The following CD59 variants were observed in gnomAD, a reference collection of about 807,000 sequenced individuals.
The protein encoded by CD59 is CD59 molecule (CD59 blood group).
CD59 carries 3 observed loss-of-function variants against 7.0 expected under a neutral mutation model. The observed-to-expected ratio is 0.43, with a 90% CI of 0.19 to 1.10. CD59 has a LOEUF of 1.10. Among genes scored for constraint, CD59 ranks in the 50% least tolerant of loss-of-function variants. The probability of loss-of-function intolerance (pLI) is 0.29; values close to 1 mark genes in which losing one functional copy is unlikely to be tolerated. For synonymous variants in CD59, 60 were observed against 62.0 expected, an observed-to-expected ratio of 0.97 and a Z score of 0.15; for missense variants, 143 against 151.0, an observed-to-expected ratio of 0.95 and a Z score of 0.28.
rs1564975658 is a variant in CD59 at position 33,722,424 on chromosome 11, CA to C, written c.21del (p.Val8SerfsTer72). The C allele has an allele frequency of 6.2e-7, 1 of 1,614,056 alleles. No individual in the cohort carries two copies. Among genetic ancestry groups the C allele is most frequent in the South Asian group, 1.1e-5 (1 of 91,084 alleles). On this transcript the variant is annotated frameshift_variant, in exon 2 of 4. Transcript: ENST00000642928. LOFTEE classifies it high-confidence loss of function. ...AGGACGAGCAGCAGCCCGAACAGGA[CA>C]GACCCTCCTTGGATTCCCATTGTGA... MGIQGGSVLFGLLLVLA... is the reference protein window; with the variant it reads MGIQGGXVLFGLLLVLA...
At position 33,736,212 on chromosome 11, in the gene CD59, G is replaced by A. The variant is rs1854570651; in HGVS notation, c.-19+170C>T. ...AAGCCAGCGTTCGGCTAGGACACCG[G>A]GCCGCGGTGACGGGTTGGAAGGGCC... On this transcript the variant is annotated intron_variant, in intron 1 of 3. Coordinates refer to ENST00000642928, the MANE Select transcript of CD59 (RefSeq NM_000611.6). This position sits in a 1 kb window ranked among gnomAD's most constrained non-coding sequence, Gnocchi z 4.4. Among the ~76,000 whole-genome samples, 1 of 152,174 alleles carries A rather than the reference G, an allele frequency of 6.6e-6. No individual in the cohort carries two copies. The highest frequency in any genetic ancestry group is 1.5e-5 in the Non-Finnish European group (1 of 68,022).
intron 1 of CD59, among the ~76,000 whole-genome samples, chr11:33,731,893 T>A (rs1359071419): frequency 6.6e-6 from 1 of 152,238 alleles, no homozygotes; most frequent in East Asian, 1.9e-4. Flanking sequence ...TCATTTTGAA[T>A]TGTAACTCCC....
chr11:33,703,097 T>A lies in CD59; in HGVS notation c.*7029A>T, dbSNP rs1462197037. Reference sequence around the variant, plus strand: ...TATATATCTAGTTGAGGAGAAAAAATTACAGATTTTTTCCCCCTTACTCCA... The same window carrying A: ...TATATATCTAGTTGAGGAGAAAAAAATACAGATTTTTTCCCCCTTACTCCA... On this transcript the variant is annotated 3_prime_UTR_variant, in exon 4 of 4. Transcript: ENST00000642928. 1.3e-5 allele frequency: 2 copies of A among 152,058 alleles called. No individual in the cohort carries two copies. Among genetic ancestry groups the A allele is most frequent in the Non-Finnish European group, 2.9e-5 (2 of 68,022 alleles). The allele number at this position is 152,058 out of a possible 1,614,324, so 9.4% of individuals were successfully genotyped here. A position where few individuals can be genotyped will look rare whatever the true frequency, so the allele number is the denominator to read the frequency against.
At chr11:33,711,929 A>T (rs1053569266) in intron 3 of CD59, among the ~76,000 whole-genome samples, 8 of 152,208 alleles carry the variant, frequency 5.3e-5, no homozygotes, top group Non-Finnish European at 1.0e-4. Flanking sequence ...AATGGTGTAG[A>T]TACTCTGGAC....
intron 3 of CD59, among the ~76,000 whole-genome samples, chr11:33,713,153 G>GT (rs2133532481): frequency 6.6e-6 from 1 of 152,218 alleles, no homozygotes; most frequent in East Asian, 1.9e-4. Context: ...TCTTATCACA[G>GT]TTTTTTTAAT....
chr11:33,719,525 G>A (rs1306192669), intron 2 of CD59: 1 of 152,278 alleles, frequency 6.6e-6, no homozygotes, highest in Non-Finnish European at 1.5e-5. Context: ...AGGAGGCTAA[G>A]GCATGAGAAT....
intron 2 of CD59, among the ~76,000 whole-genome samples, chr11:33,721,048 T>C (rs761565948): frequency 8.6e-5 from 13 of 151,936 alleles, no homozygotes; most frequent in African/African-American, 2.4e-5. Context: ...CACTGGGCTA[T>C]TAAAATTCTA....
intron 1 of CD59, among the ~76,000 whole-genome samples, chr11:33,734,512 T>G (rs1486733712): frequency 6.6e-6 from 1 of 152,146 alleles, no homozygotes; most frequent in Non-Finnish European, 1.5e-5. Flanking sequence ...GTTGTTCCCC[T>G]CCCTGTGTCC....
chr11:33,729,154 G>A lies in CD59; in HGVS notation c.-18-6691C>T, dbSNP rs1197781383. Among the ~76,000 whole-genome samples the A allele has an allele frequency of 1.6e-4, 24 of 152,178 alleles. No individual in the cohort carries two copies. In the East Asian group the frequency reaches 4.0e-3, roughly 26 times the overall value. On this transcript the variant is annotated intron_variant, in intron 1 of 3. Transcript: ENST00000642928. ...CATCTGACCCAGCAATCCCATTACT[G>A]GGTATATATCCAAAGGATTATAAAT...
intron 1 of CD59, chr11:33,733,585 A>G (rs1854479372): frequency 6.6e-6 from 1 of 152,076 alleles, no homozygotes; most frequent in Admixed American, 6.5e-5. Context: ...GTGCCACTGC[A>G]CTCCAGCTTG....
chr11:33,723,696 C>A (rs1854165013), intron 1 of CD59, among the ~76,000 whole-genome samples: 1 of 152,206 alleles, frequency 6.6e-6, no homozygotes, highest in African/African-American at 2.4e-5. Context: ...TCCCAGGAGA[C>A]CTGGGCTCCA....
At chr11:33,731,272 AAC>A (rs1233229509) in intron 1 of CD59, among the ~76,000 whole-genome samples, 2 of 151,088 alleles carry the variant, frequency 1.3e-5, no homozygotes, top group East Asian at 1.9e-4. Context: ...TATACGTAAA[AAC>A]ACACATATAC....
chr11:33,707,963 A>G lies in CD59; in HGVS notation c.*2163T>C, dbSNP rs1223401685. On this transcript the variant is annotated 3_prime_UTR_variant, in exon 4 of 4. Transcript: ENST00000642928. ...GGAGGAGAGGGGCCAGAAGGGTCAC[A>G]TTGAAGAAATGTGACATGAGGGTGG... The G allele has an allele frequency of 1.3e-5, 2 of 152,228 alleles. No homozygotes were observed. The highest frequency in any genetic ancestry group is 4.8e-5 in the African/African-American group (2 of 41,438). The allele number at this position is 152,228 out of a possible 1,614,324, so 9.4% of individuals were successfully genotyped here. A position where few individuals can be genotyped will look rare whatever the true frequency, so the allele number is the denominator to read the frequency against.
intron 1 of CD59, chr11:33,723,056 GAGA>G (rs1245999363): frequency 1.4e-6 from 1 of 715,022 alleles, no homozygotes; most frequent in Admixed American, 5.4e-5. Flanking sequence ...AGCATCAGGT[GAGA>G]AGAAGGAAAG....
chr11:33,722,537 G>A (rs1282729779), intron 1 of CD59, 74 bp from the exon 2 acceptor site: 1 of 1,578,442 alleles, frequency 6.3e-7, no homozygotes, highest in Non-Finnish European at 8.6e-7. Context: ...CCAAGGGCTG[G>A]AAGGCCAAGA....
At chr11:33,732,124 G>A (rs952426214) in intron 1 of CD59, among the ~76,000 whole-genome samples, 2 of 152,172 alleles carry the variant, frequency 1.3e-5, no homozygotes, top group African/African-American at 4.8e-5. Flanking sequence ...CCCTAGCCAC[G>A]TGGAACTGTG....
At position 33,709,139 on chromosome 11, in the gene CD59, C is replaced by G. The variant is rs1755132088; in HGVS notation, c.*987G>C. ...AGAGCCGTTACAAAGGTATTTTATACAATCTATGCTGAGTCAGCTAGGAGT... is the reference window on the plus strand; with the variant it reads ...AGAGCCGTTACAAAGGTATTTTATAGAATCTATGCTGAGTCAGCTAGGAGT... On this transcript the variant is annotated 3_prime_UTR_variant, in exon 4 of 4. Coordinates refer to ENST00000642928, the MANE Select transcript of CD59 (RefSeq NM_000611.6). 1.3e-5 allele frequency: 2 copies of G among 152,204 alleles called. No individual in the cohort carries two copies. Among genetic ancestry groups the G allele is most frequent in the Non-Finnish European group, 2.9e-5 (2 of 68,036 alleles). The allele number at this position is 152,204 out of a possible 1,614,324, so 9.4% of individuals were successfully genotyped here.
In CD59 at chr11:33,724,494, T is replaced by C. The variant is rs1016610566; in HGVS notation, c.-18-2031A>G. Among the ~76,000 whole-genome samples the C allele has an allele frequency of 9.2e-5, 14 of 152,200 alleles. No homozygotes were observed. In the South Asian group the frequency reaches 1.7e-3, roughly 18 times the overall value. On this transcript the variant is annotated intron_variant, in intron 1 of 3. Coordinates refer to ENST00000642928, the MANE Select transcript of CD59 (RefSeq NM_000611.6). ...ACGCTTTGGCTAGTAAGCATGGAGA[T>C]AGTTACATGTACTGCATAGCACAAT...
Position 33,706,639 on chromosome 11 carries a change from C to A in CD59, c.*3487G>T, listed in dbSNP as rs559869423. 6.6e-6 allele frequency: 1 copy of A among 151,360 alleles called. No homozygotes were observed. Among genetic ancestry groups the A allele is most frequent in the South Asian group, 2.1e-4 (1 of 4,794 alleles). The allele number at this position is 151,360 out of a possible 1,614,324, so 9.4% of individuals were successfully genotyped here. A position where few individuals can be genotyped will look rare whatever the true frequency, so the allele number is the denominator to read the frequency against. On this transcript the variant is annotated 3_prime_UTR_variant, in exon 4 of 4. Transcript: ENST00000642928. ...CCCAGGTTCCTAACTACAAAATCCA[C>A]GGGTTTAACTGCTGCTCTCCTGAAA... is the stretch of plus-strand genomic sequence containing the variant.
Sources: gnomAD v4.1 joint callset for allele counts (sites outside exome capture counted in the v4.1 genomes callset) on GRCh38, gnomAD v4.1.1 for gene constraint, Gnocchi (gnomAD v3.1) non-coding constraint, MANE v1.5 for transcripts, NCBI Gene and HGNC (gene_info 2026-07-23, HGNC 2026-07-21) for gene names.